DLGAP4: variants seen among roughly 807,000 people sequenced by gnomAD.
DLGAP4 encodes DLG associated protein 4, also known as disks large-associated protein 4.
A neutral mutation model predicts 86.9 loss-of-function variants in DLGAP4; 18 were observed. That is an observed-to-expected ratio of 0.21 (90% confidence interval 0.14 to 0.31). The LOEUF (loss-of-function observed/expected upper bound fraction) is 0.31, where lower values mean the gene tolerates loss of function less well. Among genes scored for constraint, DLGAP4 ranks in the 10% least tolerant of loss-of-function variants. The pLI is 1.00. For missense variants in DLGAP4, 1,085 were observed against 1,362.6 expected (o/e 0.80, Z 3.21); for synonymous variants, 548 against 574.3 (o/e 0.95, Z 0.65).
At chr20:36,428,648 C>T (rs1427964523) in intron 2 of DLGAP4, among the ~76,000 whole-genome samples, 2 of 152,234 alleles carry the variant, frequency 1.3e-5, no homozygotes, top group Admixed American at 6.5e-5. Context: ...TTCAGCAGGG[C>T]CAGTGGGCTG....
rs1446624595 is a variant in DLGAP4, at chr20:36,464,433, G to A, written c.1648+17496G>A. Among the ~76,000 whole-genome samples, 6 of 152,264 alleles carry A rather than the reference G, an allele frequency of 3.9e-5. No individual in the cohort carries two copies. In the East Asian group the frequency reaches 9.6e-4, roughly 24 times the overall value. The stretch of plus-strand genomic sequence containing the variant: ...AAATTAGCTGGGTGTGGTGGCATGC[G>A]CTTGTATTCCCAGCTACTTGGAGGA... On this transcript the variant is annotated intron_variant, in intron 7 of 12. Transcript: ENST00000339266.
chr20:36,354,415 G>A (rs1382084606), intron 1 of DLGAP4, among the ~76,000 whole-genome samples: 5 of 152,270 alleles, frequency 3.3e-5, no homozygotes, highest in African/African-American at 9.6e-5. Context: ...TCTCTTTAAT[G>A]AGTTTTAATA....
chr20:36,498,532 C>G (rs1336875378), intron 8 of DLGAP4: 1 of 152,400 alleles, frequency 6.6e-6, no homozygotes, highest in Non-Finnish European at 1.5e-5. Flanking sequence ...CTGGGCGTCC[C>G]ATTCCCTGGA....
intron 1 of DLGAP4, among the ~76,000 whole-genome samples, chr20:36,326,745 T>C (rs1387096119): frequency 1.3e-5 from 2 of 152,196 alleles, no homozygotes; most frequent in African/African-American, 2.4e-5. Flanking sequence ...TTCCTTATAG[T>C]GTGAGTATGC....
chr20:36,375,086 C>T (rs1177058645), intron 2 of DLGAP4, among the ~76,000 whole-genome samples: 2 of 152,244 alleles, frequency 1.3e-5, no homozygotes, highest in Non-Finnish European at 2.9e-5. Flanking sequence ...AACTGAGGCT[C>T]AGAGAGGCCA....
At position 36,446,809 on chromosome 20, in the gene DLGAP4, G is replaced by A. The variant is rs757026394; in HGVS notation, c.1520G>A (p.Arg507His). 6 of 1,612,480 alleles carry A rather than the reference G, an allele frequency of 3.7e-6. No homozygotes were observed. Among genetic ancestry groups the A allele is most frequent in the Admixed American group, 1.7e-5 (1 of 59,874 alleles). Reference protein sequence around the residue: ...TLDLPLPSYFRSRSHSYLRAI... With the variant: ...TLDLPLPSYFHSRSHSYLRAI... Reference sequence around the variant, plus strand: ...GACTTGCCACTGCCCAGCTACTTCCGCTCCCGCAGCCACAGCTACCTGCGT... The same window carrying A: ...GACTTGCCACTGCCCAGCTACTTCCACTCCCGCAGCCACAGCTACCTGCGT... Residue 507 changes from arginine to histidine, a missense_variant, in exon 7 of 13, where the codon CGC (arginine) becomes CAC (histidine). Arg to His is a conservative substitution (Grantham distance 29). This residue lies in a region of DLGAP4 where 1,082 missense variants were observed against 1,344.1 expected (regional missense o/e 0.81). Transcript: ENST00000339266.
chr20:36,412,102 C>T (rs1287156114), intron 2 of DLGAP4, among the ~76,000 whole-genome samples: 1 of 152,248 alleles, frequency 6.6e-6, no homozygotes, highest in Non-Finnish European at 1.5e-5. Flanking sequence ...CCATCTGAGT[C>T]ACAGAGCAGG....
At chr20:36,411,539 A>G (rs932622405) in intron 2 of DLGAP4, among the ~76,000 whole-genome samples, 1 of 152,134 alleles carries the variant, frequency 6.6e-6, no homozygotes, top group African/African-American at 2.4e-5. Flanking sequence ...TAATACAAAT[A>G]TTATGTCAGG....
At chr20:36,376,002 C>G (rs2031137769) in intron 2 of DLGAP4, among the ~76,000 whole-genome samples, 2 of 151,992 alleles carry the variant, frequency 1.3e-5, no homozygotes, top group Non-Finnish European at 1.5e-5. Context: ...CACCCTGTCT[C>G]TCTCTCCATC....
At chr20:36,335,704 C>T (rs892669141) in intron 1 of DLGAP4, among the ~76,000 whole-genome samples, 7 of 152,196 alleles carry the variant, frequency 4.6e-5, no homozygotes, top group African/African-American at 2.4e-5. Context: ...CCCGTCTTTG[C>T]CTTTGCACAT....
chr20:36,499,761 TCTC>T (rs1279193611), intron 9 of DLGAP4, 85 bp downstream of exon 9: 8 of 1,292,124 alleles, frequency 6.2e-6, no homozygotes, highest in African/African-American at 4.5e-5. Context: ...CTAACCCACT[TCTC>T]CTTGCTGGAT....
chr20:36,364,199 C>A (rs2147408405), intron 1 of DLGAP4, among the ~76,000 whole-genome samples: 1 of 152,222 alleles, frequency 6.6e-6, no homozygotes, highest in South Asian at 2.1e-4. Flanking sequence ...CCCTTTAAGG[C>A]CAGGAGTTCA....
At chr20:36,382,355 G>T (rs557478292) in intron 2 of DLGAP4, among the ~76,000 whole-genome samples, 1 of 150,676 alleles carries the variant, frequency 6.6e-6, no homozygotes, top group African/African-American at 2.4e-5. Context: ...TGTAGTGGCT[G>T]AGTAGTGCCA....
chr20:36,390,574 G>T lies in DLGAP4; in HGVS notation c.-73+23299G>T, dbSNP rs555782717. 6.6e-5 allele frequency among the ~76,000 whole-genome samples: 10 copies of T among 152,202 alleles called. No homozygotes were observed. The East Asian group carries it at 1.4e-3, about 21-fold the overall frequency. On this transcript the variant is annotated intron_variant, in intron 2 of 12. Coordinates refer to ENST00000339266, the MANE Select transcript of DLGAP4 (RefSeq NM_001365621.2). ...CCCAGAATAGCAATCCTGAGTGGGG[G>T]GGCATGCCTCCACTGTACCCCCCTC...
At chr20:36,476,854 C>T (rs962657820) in intron 7 of DLGAP4, among the ~76,000 whole-genome samples, 18 of 151,586 alleles carry the variant, frequency 1.2e-4, no homozygotes, top group African/African-American at 3.4e-4. Flanking sequence ...CCACCATACC[C>T]GGCTAATTTT....
intron 10 of DLGAP4, among the ~76,000 whole-genome samples, chr20:36,511,866 C>A (rs1292488152): frequency 1.4e-5 from 2 of 144,252 alleles, no homozygotes; most frequent in Non-Finnish European, 3.0e-5. Context: ...CAGAGGGAGA[C>A]CCTGTCTCAA....
chr20:36,498,432 T>TA (rs2147771033), intron 8 of DLGAP4: 1 of 152,368 alleles, frequency 6.6e-6, no homozygotes, highest in Non-Finnish European at 1.5e-5. Flanking sequence ...CAGACGCTCT[T>TA]ATCTTCCCGG....
At chr20:36,444,458 T>C (rs916385760) in intron 6 of DLGAP4, among the ~76,000 whole-genome samples, 1 of 151,692 alleles carries the variant, frequency 6.6e-6, no homozygotes. Context: ...TAGTTTTTAT[T>C]AGAGACAGGG....
intron 7 of DLGAP4, among the ~76,000 whole-genome samples, chr20:36,488,866 C>A (rs1010985410): frequency 3.9e-5 from 6 of 152,348 alleles, no homozygotes; most frequent in African/African-American, 1.4e-4. Context: ...GCCACTGTGC[C>A]CAGCTGAAAG....
Sources: allele counts gnomAD v4.1 joint callset (sites outside exome capture counted in the v4.1 genomes callset), GRCh38; gene constraint gnomAD v4.1.1; regional missense constraint gnomAD v4.1.1; transcripts MANE v1.5; gene names NCBI Gene and HGNC (gene_info 2026-07-23, HGNC 2026-07-21).